Variants in CATSPERE observed in about 807,000 individuals in gnomAD.
CATSPERE encodes the protein cation channel sperm-associated auxiliary subunit epsilon.
Under a neutral mutation model 114.1 loss-of-function variants are expected in CATSPERE, and 93 were observed. The ratio of observed to expected loss-of-function variants is 0.81; its 90% CI spans 0.69 to 0.97. The LOEUF is 0.97. CATSPERE is among the 50% of genes least tolerant of loss of function. CATSPERE has a pLI of 0.00. For missense variants in CATSPERE, 1,058 were observed against 1,131.6 expected (o/e 0.93, Z 0.93); for synonymous variants, 341 against 384.1 (o/e 0.89, Z 1.31).
chr1:244,490,761 T>C (rs942934908), intron 6 of CATSPERE, among the ~76,000 whole-genome samples: 1 of 152,182 alleles, frequency 6.6e-6, no homozygotes, highest in Non-Finnish European at 1.5e-5. Context: ...CTTTTATTAA[T>C]ACAAATATTA....
intron 9 of CATSPERE, among the ~76,000 whole-genome samples, chr1:244,554,905 G>A (rs1359308325): frequency 1.3e-5 from 2 of 152,064 alleles, no homozygotes; most frequent in African/African-American, 4.8e-5. Context: ...CTAGCAAACT[G>A]AATCAAATAG....
At chr1:244,600,376 A>G (rs1669037556) in intron 17 of CATSPERE, among the ~76,000 whole-genome samples, 2 of 149,618 alleles carry the variant, frequency 1.3e-5, no homozygotes, top group Non-Finnish European at 3.0e-5. Flanking sequence ...AAAAAAAGAG[A>G]GAGAGAGAGA....
intron 8 of CATSPERE, among the ~76,000 whole-genome samples, chr1:244,527,105 G>A (rs1030423339): frequency 9.2e-5 from 14 of 152,166 alleles, no homozygotes; most frequent in Non-Finnish European, 1.2e-4. Flanking sequence ...AACTGGGCAC[G>A]CATTGTCATT....
At chr1:244,477,271 C>T (rs1284696759) in intron 2 of CATSPERE, among the ~76,000 whole-genome samples, 2 of 152,196 alleles carry the variant, frequency 1.3e-5, no homozygotes, top group Non-Finnish European at 2.9e-5. Flanking sequence ...GCTAGGATTA[C>T]AGGCATGAGC....
At chr1:244,514,080 A>G (rs1401937701) in intron 7 of CATSPERE, among the ~76,000 whole-genome samples, 1 of 152,168 alleles carries the variant, frequency 6.6e-6, no homozygotes, top group Non-Finnish European at 1.5e-5. Context: ...CTTTTGAGGC[A>G]CAGAAGTTTT....
At chr1:244,505,788 C>T (rs1428595681) in intron 7 of CATSPERE, among the ~76,000 whole-genome samples, 9 of 152,020 alleles carry the variant, frequency 5.9e-5, no homozygotes, top group African/African-American at 1.2e-4. Context: ...GGGTGGATCA[C>T]GAGGTCAGGA....
chr1:244,549,776 C>A (rs1466436480), intron 8 of CATSPERE, among the ~76,000 whole-genome samples: 1 of 152,086 alleles, frequency 6.6e-6, no homozygotes, highest in African/African-American at 2.4e-5. Context: ...TATGCATCAA[C>A]TTTACTGGGC....
intron 7 of CATSPERE, among the ~76,000 whole-genome samples, chr1:244,502,285 T>C (rs1674165154): frequency 1.3e-5 from 2 of 152,328 alleles, no homozygotes; most frequent in African/African-American, 2.4e-5. Context: ...CTGCTTTTAC[T>C]TTAAGCTTCC....
chr1:244,483,549 T>A (rs1670577985), intron 5 of CATSPERE, among the ~76,000 whole-genome samples: 1 of 152,206 alleles, frequency 6.6e-6, no homozygotes, highest in East Asian at 1.9e-4. Context: ...TGTCATTGTA[T>A]TTTTCTTTAC....
intron 8 of CATSPERE, among the ~76,000 whole-genome samples, chr1:244,550,431 T>C (rs921617255): frequency 1.3e-5 from 2 of 152,094 alleles, no homozygotes; most frequent in Non-Finnish European, 2.9e-5. Flanking sequence ...TGAAACAAAA[T>C]GATTGATAAG....
At position 244,566,652 on chromosome 1, in the gene CATSPERE, C is replaced by CTTTTTT. The variant is rs59466928; in HGVS notation, c.1507+5537_1507+5542dup. On this transcript the variant is annotated intron_variant, in intron 10 of 21. Coordinates refer to ENST00000366534, the MANE Select transcript of CATSPERE (RefSeq NM_001130957.2). ...TCAGAGACTAGGATTGCAACCCCTG[C>CTTTTTT]TTTTTTTTTTTTTTTTTTTTTTTTT... is the stretch of plus-strand genomic sequence containing the variant. 1.8e-3 allele frequency among the ~76,000 whole-genome samples: 86 copies of CTTTTTT among 48,926 alleles called. 2 individuals carry two copies. Among genetic ancestry groups the CTTTTTT allele is most frequent in the South Asian group, 2.7e-3 (4 of 1,504 alleles). The allele number at this position is 48,926 out of a possible 152,430, so 32.1% of individuals were successfully genotyped here. A position where few individuals can be genotyped will look rare whatever the true frequency, so the allele number is the denominator to read the frequency against.
chr1:244,579,204 G>A (rs935594691), intron 11 of CATSPERE, among the ~76,000 whole-genome samples: 3 of 152,118 alleles, frequency 2.0e-5, no homozygotes, highest in African/African-American at 4.8e-5. Flanking sequence ...AATAGCAATC[G>A]GAGGTGGCTG....
At chr1:244,474,662 G>A (rs1039277498) in intron 2 of CATSPERE, among the ~76,000 whole-genome samples, 1 of 149,632 alleles carries the variant, frequency 6.7e-6, no homozygotes, top group Non-Finnish European at 1.5e-5. Context: ...TGGATTTTCT[G>A]TGCCTATCTT....
At chr1:244,514,417 G>A (rs981946267) in intron 7 of CATSPERE, among the ~76,000 whole-genome samples, 1 of 152,180 alleles carries the variant, frequency 6.6e-6, no homozygotes, top group Admixed American at 6.5e-5. Flanking sequence ...ATCTTAAGTG[G>A]TAACATGACA....
chr1:244,493,986 A>G (rs1049043291), intron 6 of CATSPERE, among the ~76,000 whole-genome samples: 75 of 152,228 alleles, frequency 4.9e-4, no homozygotes, highest in African/African-American at 1.6e-3. Flanking sequence ...AAATAGGAAC[A>G]CTTTTACACT....
intron 13 of CATSPERE, among the ~76,000 whole-genome samples, chr1:244,584,916 G>A (rs1666814395): frequency 6.6e-6 from 1 of 152,148 alleles, no homozygotes; most frequent in South Asian, 2.1e-4. Context: ...CCACATGCCA[G>A]CTTAATCCAC....
chr1:244,529,257 T>G (rs1679211333), intron 8 of CATSPERE, among the ~76,000 whole-genome samples: 1 of 152,228 alleles, frequency 6.6e-6, no homozygotes, highest in Non-Finnish European at 1.5e-5. Flanking sequence ...TTCCAAAATG[T>G]TCTCCATAGT....
At chr1:244,490,083 T>A (rs1007977426) in intron 5 of CATSPERE, among the ~76,000 whole-genome samples, 3 of 152,014 alleles carry the variant, frequency 2.0e-5, no homozygotes, top group African/African-American at 7.2e-5. Flanking sequence ...AAGCAAAGAG[T>A]GATCAACAAG....
At position 244,477,614 on chromosome 1, in the gene CATSPERE, G is replaced by A; in HGVS notation, c.188G>A (p.Ser63Asn). 2 of 1,567,522 alleles carry A rather than the reference G, an allele frequency of 1.3e-6. No individual in the cohort carries two copies. The highest frequency in any genetic ancestry group is 8.8e-7 in the Non-Finnish European group (1 of 1,139,248). Residue 63 changes from serine to asparagine, a missense_variant and splice_region_variant, in exon 3 of 22, where the codon AGC (serine) becomes AAC (asparagine). Ser to Asn is a conservative substitution (Grantham distance 46). Around this residue, in one of 2 missense-constraint regions of CATSPERE, gnomAD observed 271 missense variants for 225.9 expected, o/e 1.20. Coordinates refer to ENST00000366534, the MANE Select transcript of CATSPERE (RefSeq NM_001130957.2). Reference protein sequence around the residue: ...VPETCFVLNKSSPTTELRCSS... With the variant: ...VPETCFVLNKNSPTTELRCSS... ...GAAACTTGTTTTGTGCTAAATAAAA[G>A]GTAAGATTTATGCCATGAATATCAA...
Sources: allele counts gnomAD v4.1 joint callset (sites outside exome capture counted in the v4.1 genomes callset), GRCh38; gene constraint gnomAD v4.1.1; regional missense constraint gnomAD v4.1.1; transcripts MANE v1.5; gene names NCBI Gene and HGNC (gene_info 2026-07-23, HGNC 2026-07-21).